The following ANKHD1 variants were observed in gnomAD, a reference collection of about 807,000 sequenced individuals.
ANKHD1 encodes ankyrin repeat and KH domain-containing protein 1.
In ANKHD1, 31 loss-of-function variants were observed where a neutral mutation model predicts 230.5. The ratio of observed to expected loss-of-function variants is 0.13; its 90% confidence interval spans 0.10 to 0.18. The LOEUF (loss-of-function observed/expected upper bound fraction) is 0.18, where lower values mean the gene tolerates loss of function less well. ANKHD1 is among the 10% of genes least tolerant of loss of function. The pLI, the probability that ANKHD1 is intolerant of heterozygous loss-of-function variation, is 1.00. For missense variants in ANKHD1, 2,256 were observed against 3,071.3 expected (o/e 0.73, Z 6.27); for synonymous variants, 1,074 against 1,117.6 (o/e 0.96, Z 0.78).
chr5:140,482,009 A>G (rs2127013365), intron 10 of ANKHD1, among the ~76,000 whole-genome samples: 1 of 152,182 alleles, frequency 6.6e-6, no homozygotes, highest in African/African-American at 2.4e-5. Context: ...AACTTCCTAG[A>G]AAGAACAATC....
intron 9 of ANKHD1, among the ~76,000 whole-genome samples, chr5:140,462,174 T>C (rs546479171): frequency 6.6e-6 from 1 of 152,250 alleles, no homozygotes; most frequent in Non-Finnish European, 1.5e-5. Flanking sequence ...TGATTCTTTT[T>C]TTTTTGTTTT....
rs776057649 is a variant in ANKHD1 at position 140,496,755 on chromosome 5, A to G, written c.2481A>G (p.Gln827=). ...AACTTAAAAAGAACAGAGAAGAGCA[A>G]GTCCAGAAGAAGAAGAAAATATTGA... ...IEELKKNREE[Q]VQKKKKILKE... is the part of the protein sequence containing the mutation. Residue 827 remains glutamine (Q), a synonymous_variant, in exon 15 of 34, where the codon CAA becomes CAG. Transcript: ENST00000360839. 6.2e-7 allele frequency: 1 copy of G among 1,613,872 alleles called. No homozygotes were observed. The highest frequency in any genetic ancestry group is 8.5e-7 in the Non-Finnish European group (1 of 1,179,952).
At chr5:140,470,739 C>T (rs1776435975) in intron 10 of ANKHD1, among the ~76,000 whole-genome samples, 1 of 150,756 alleles carries the variant, frequency 6.6e-6, no homozygotes, top group Admixed American at 6.7e-5. Flanking sequence ...TCCTCCACTT[C>T]AGCCTCCTGA....
At chr5:140,472,719 A>T (rs1213392764) in intron 10 of ANKHD1, among the ~76,000 whole-genome samples, 2 of 152,164 alleles carry the variant, frequency 1.3e-5, no homozygotes, top group Non-Finnish European at 2.9e-5. Context: ...AAACAAAAAA[A>T]TTAGTTTAGC....
Position 140,402,194 on chromosome 5 carries a change from A to G in ANKHD1, c.227A>G (p.Asp76Gly), listed in dbSNP as rs762652307. The G allele has an allele frequency of 6.6e-7, 1 of 1,526,198 alleles. No homozygotes were observed. The highest frequency in any genetic ancestry group is 8.8e-7 in the Non-Finnish European group (1 of 1,141,418). 94.5% of individuals were successfully genotyped at this position (1,526,198 alleles called of 1,614,324 possible). A position where few individuals can be genotyped will look rare whatever the true frequency, so the allele number is the denominator to read the frequency against. ...ACGGGCGGAGGGGACGCGGCGCTGGATTTCAAGTTGGCGGCTGCCGTGCTG... is the reference window on the plus strand; with the variant it reads ...ACGGGCGGAGGGGACGCGGCGCTGGGTTTCAAGTTGGCGGCTGCCGTGCTG... The part of the protein sequence containing the change: ...SGTGGGDAAL[D>G]FKLAAAVLRT... Residue 76 changes from aspartate to glycine, a missense_variant, in exon 1 of 34, where the codon GAT becomes GGT. Physicochemically the swap from Asp to Gly is moderately conservative, Grantham distance 94. This residue lies in a region of ANKHD1 where 193 missense variants were observed against 185.8 expected (regional missense o/e 1.04). Coordinates refer to ENST00000360839, the MANE Select transcript of ANKHD1 (RefSeq NM_017747.3).
chr5:140,428,255 A>T (rs370920780), intron 1 of ANKHD1, among the ~76,000 whole-genome samples: 5 of 152,180 alleles, frequency 3.3e-5, no homozygotes, highest in Non-Finnish European at 5.9e-5. Context: ...AGAGGCTGCA[A>T]TCTCGGCACT....
At chr5:140,417,379 T>C (rs1771477142) in intron 1 of ANKHD1, among the ~76,000 whole-genome samples, 1 of 151,576 alleles carries the variant, frequency 6.6e-6, no homozygotes. Flanking sequence ...TTTTTTTTGG[T>C]TATTATTTAT....
chr5:140,436,068 A>G (rs772776517), intron 1 of ANKHD1, 36 bp from the exon 2 acceptor site: 12 of 1,464,674 alleles, frequency 8.2e-6, no homozygotes, highest in Non-Finnish European at 1.1e-5. Flanking sequence ...TATTGATATC[A>G]GTTTCATGGA....
intron 15 of ANKHD1, 36 bp from the exon 16 acceptor site, chr5:140,504,785 T>A: frequency 6.3e-7 from 1 of 1,599,634 alleles, no homozygotes; most frequent in Non-Finnish European, 8.5e-7. Flanking sequence ...CTTACTCTTT[T>A]AAGTGGAATT....
intron 15 of ANKHD1, among the ~76,000 whole-genome samples, chr5:140,502,249 A>G (rs1752339508): frequency 6.6e-6 from 1 of 152,094 alleles, no homozygotes; most frequent in South Asian, 2.1e-4. Flanking sequence ...GCTACTTCCT[A>G]GTTTTAGAAC....
intron 1 of ANKHD1, among the ~76,000 whole-genome samples, chr5:140,406,827 A>G (rs953507447): frequency 6.6e-6 from 1 of 151,860 alleles, no homozygotes; most frequent in Non-Finnish European, 1.5e-5. Flanking sequence ...TGAGTCACCC[A>G]CCTGGCCCTT....
chr5:140,436,462 G>A (rs1284867327), intron 2 of ANKHD1, among the ~76,000 whole-genome samples: 1 of 152,054 alleles, frequency 6.6e-6, no homozygotes, highest in Non-Finnish European at 1.5e-5. Flanking sequence ...AAGATAATGA[G>A]CGTCCAGGCG....
intron 15 of ANKHD1, among the ~76,000 whole-genome samples, chr5:140,499,212 CTTAAAT>C (rs1272690574): frequency 6.6e-6 from 1 of 151,704 alleles, no homozygotes; most frequent in African/African-American, 2.4e-5. Flanking sequence ...ATGTACCTGT[CTTAAAT>C]TTAAATATTA....
chr5:140,466,618 C>T lies in ANKHD1; in HGVS notation c.1782+1842C>T, dbSNP rs151283978. 7.6e-3 allele frequency among the ~76,000 whole-genome samples: 1,161 copies of T among 152,020 alleles called. 13 individuals carry two copies. Among genetic ancestry groups the T allele is most frequent in the Non-Finnish European group, 0.011 (714 of 67,986 alleles). The stretch of plus-strand genomic sequence containing the variant: ...AACAGATAGAGCTATTTGAACTTAC[C>T]GTATTTACTTACTTTCAAAATGTAA... On this transcript the variant is annotated intron_variant, in intron 10 of 33. Transcript: ENST00000360839.
chr5:140,442,968 C>T (rs1393833719), intron 5 of ANKHD1, among the ~76,000 whole-genome samples: 4 of 150,886 alleles, frequency 2.7e-5, no homozygotes, highest in Non-Finnish European at 4.4e-5. Context: ...TGCAGTGGTG[C>T]GATCTCAGCT....
chr5:140,469,410 C>T (rs577365111), intron 10 of ANKHD1, among the ~76,000 whole-genome samples: 168 of 150,908 alleles, frequency 1.1e-3, no homozygotes, highest in African/African-American at 3.7e-3. Flanking sequence ...ACTCAGGAGG[C>T]TGAGGTGGAT....
chr5:140,454,156 GCTAA>G (rs1430370165), intron 7 of ANKHD1, among the ~76,000 whole-genome samples: 1 of 152,158 alleles, frequency 6.6e-6, no homozygotes, highest in Non-Finnish European at 1.5e-5. Flanking sequence ...AACAAGAAGA[GCTAA>G]CTATCTTAAA....
intron 25 of ANKHD1, chr5:140,524,997 T>C: frequency 3.7e-6 from 1 of 273,040 alleles, no homozygotes. Context: ...CACATGCCTA[T>C]AATCCCACCT....
intron 14 of ANKHD1, among the ~76,000 whole-genome samples, chr5:140,489,203 A>C (rs1751653442): frequency 6.6e-6 from 1 of 151,880 alleles, no homozygotes; most frequent in Non-Finnish European, 1.5e-5. Flanking sequence ...AAAAAAAAAA[A>C]ACCAGAAAAA....
Sources: gnomAD v4.1 joint callset for allele counts (sites outside exome capture counted in the v4.1 genomes callset) on GRCh38, gnomAD v4.1.1 for gene constraint, gnomAD v4.1.1 regional missense constraint, MANE v1.5 for transcripts, NCBI Gene and HGNC (gene_info 2026-07-23, HGNC 2026-07-21) for gene names.